The following CEP63 variants were observed in gnomAD, a reference collection of about 807,000 sequenced individuals.
The protein encoded by CEP63 is centrosomal protein of 63 kDa.
In CEP63, 84 loss-of-function variants were observed where a neutral mutation model predicts 89.1. The ratio of observed to expected loss-of-function variants is 0.94; its 90% CI spans 0.79 to 1.13. The LOEUF (loss-of-function observed/expected upper bound fraction) is 1.13. Among genes scored for constraint, CEP63 ranks in the 50% most tolerant of loss-of-function variants. The pLI is 0.00. For missense variants in CEP63, 838 were observed against 813.3 expected (o/e 1.03, Z -0.37); for synonymous variants, 267 against 272.5 (o/e 0.98, Z 0.20).
At chr3:134,621,618 A>G in the CEP63 span, among the ~76,000 whole-genome samples, 8 of 152,354 alleles carry the variant, frequency 5.3e-5, no homozygotes, top group East Asian at 1.5e-3. Context: ...AACTCTCAGA[A>G]GAAAACACTG....
chr3:134,545,872 G>A (rs1383636765), intron 7 of CEP63, 53 bp downstream of exon 7: 32 of 1,336,508 alleles, frequency 2.4e-5, no homozygotes, highest in Admixed American at 1.6e-4. Context: ...AGTATTTTAA[G>A]AGAGTGTTAT....
At chr3:134,689,022 C>A in the CEP63 span, among the ~76,000 whole-genome samples, 137,927 of 152,234 alleles carry the variant, frequency 0.91, 63,199 homozygotes, top group East Asian at 1. Flanking sequence ...TTTTGTTCAC[C>A]AAAACAATAA....
the CEP63 span, among the ~76,000 whole-genome samples, chr3:134,773,463 C>G: frequency 1.3e-5 from 2 of 152,192 alleles, no homozygotes; most frequent in Admixed American, 6.5e-5. Flanking sequence ...GTTCCAGACA[C>G]AGCTATTCCT....
intron 12 of CEP63, among the ~76,000 whole-genome samples, chr3:134,555,847 G>A (rs970697246): frequency 2.0e-5 from 3 of 152,074 alleles, no homozygotes; most frequent in Non-Finnish European, 4.4e-5. Flanking sequence ...CAAAGCTGGA[G>A]GCATCACCCT....
the CEP63 span, among the ~76,000 whole-genome samples, chr3:134,663,516 C>T: frequency 2.0e-5 from 3 of 152,222 alleles, no homozygotes; most frequent in Non-Finnish European, 4.4e-5. Context: ...CTCTCATTCA[C>T]GTGAGCCCTG....
chr3:134,774,720 G>T, the CEP63 span, among the ~76,000 whole-genome samples: 1 of 152,310 alleles, frequency 6.6e-6, no homozygotes, highest in East Asian at 1.9e-4. Flanking sequence ...GGTCAGTATG[G>T]CATCGAATAG....
At chr3:134,606,606 T>G in the CEP63 span, among the ~76,000 whole-genome samples, 1 of 152,204 alleles carries the variant, frequency 6.6e-6, no homozygotes, top group Non-Finnish European at 1.5e-5. Context: ...ATCATTTTTG[T>G]GTAGTGTCCG....
At chr3:134,583,993 A>G (rs111839597) in intron 10 of CEP63, among the ~76,000 whole-genome samples, 2,732 of 152,228 alleles carry the variant, frequency 0.018, 66 homozygotes, top group African/African-American at 0.053. Flanking sequence ...TTGTTGGTGT[A>G]TAGGAATGCT....
At chr3:134,486,965 C>T (rs1322314238) in intron 1 of CEP63, among the ~76,000 whole-genome samples, 1 of 152,200 alleles carries the variant, frequency 6.6e-6, no homozygotes, top group East Asian at 1.9e-4. Context: ...CTTACGACAT[C>T]AGGAGAGTAA....
At chr3:134,576,925 C>T (rs1324503385), downstream of CEP63, among the ~76,000 whole-genome samples, 1 of 152,180 alleles carries the variant, frequency 6.6e-6, no homozygotes, top group Non-Finnish European at 1.5e-5. Context: ...TGCCATTTTC[C>T]TGGTTTTCAA....
At chr3:134,547,644 T>C (rs1392955858) in intron 9 of CEP63, among the ~76,000 whole-genome samples, 172 bp downstream of exon 9, 4 of 147,650 alleles carry the variant, frequency 2.7e-5, no homozygotes, top group Admixed American at 6.7e-5. Flanking sequence ...CGGAGTCCGC[T>C]CTGTCACCCA....
downstream of CEP63, among the ~76,000 whole-genome samples, chr3:134,589,216 C>G (rs886526450): frequency 6.6e-6 from 1 of 152,076 alleles, no homozygotes; most frequent in Non-Finnish European, 1.5e-5. Context: ...CCAGCATAAC[C>G]TTGAAACCAA....
the CEP63 span, among the ~76,000 whole-genome samples, chr3:134,750,679 C>T: frequency 6.6e-6 from 1 of 152,120 alleles, no homozygotes; most frequent in Non-Finnish European, 1.5e-5. Flanking sequence ...AAGGGGCTTC[C>T]TACAAGCCAT....
chr3:134,578,382 G>A (rs1416167641), downstream of CEP63, among the ~76,000 whole-genome samples: 3 of 145,078 alleles, frequency 2.1e-5, no homozygotes, highest in Admixed American at 1.4e-4. Flanking sequence ...CCAGGCTGGA[G>A]TGCAGTGGTG....
At chr3:134,725,001 AT>A in the CEP63 span, among the ~76,000 whole-genome samples, 1 of 152,164 alleles carries the variant, frequency 6.6e-6, no homozygotes, top group African/African-American at 2.4e-5. Flanking sequence ...GAAATAATTA[AT>A]TTCTATCTAC....
At chr3:134,496,725 G>T (rs777421874) in intron 2 of CEP63, among the ~76,000 whole-genome samples, 1 of 152,102 alleles carries the variant, frequency 6.6e-6, no homozygotes, top group Non-Finnish European at 1.5e-5. Flanking sequence ...GGTGAACATC[G>T]GGTCCCTGTG....
At chr3:134,549,526 A>T (rs1399632798) in intron 10 of CEP63, among the ~76,000 whole-genome samples, 3 of 152,216 alleles carry the variant, frequency 2.0e-5, no homozygotes, top group African/African-American at 7.2e-5. Context: ...GCCTAAAGAT[A>T]GTATTTATGT....
chr3:134,739,467 C>T, the CEP63 span, among the ~76,000 whole-genome samples: 14 of 152,062 alleles, frequency 9.2e-5, no homozygotes, highest in African/African-American at 2.9e-4. Context: ...TAGAAATGTT[C>T]GCAGTAGCAT....
the CEP63 span, among the ~76,000 whole-genome samples, chr3:134,646,762 TGGGGCTCTGGGAGTAGA>T: frequency 6.6e-6 from 1 of 152,194 alleles, no homozygotes; most frequent in African/African-American, 2.4e-5. Flanking sequence ...AGTTCTCTAC[TGGGGCTCTGGGAGTAGA>T]GGTTTGGTCT....
Sources: allele counts gnomAD v4.1 joint callset (sites outside exome capture counted in the v4.1 genomes callset), GRCh38; gene constraint gnomAD v4.1.1; transcripts MANE v1.5; gene names NCBI Gene and HGNC (gene_info 2026-07-23, HGNC 2026-07-21).